TAFA1: variants seen among roughly 807,000 people sequenced by gnomAD.
TAFA1 encodes the protein TAFA chemokine like family member 1.
In TAFA1, 4 loss-of-function variants were observed where a neutral mutation model predicts 18.5. The observed-to-expected ratio is 0.22, with a 90% CI of 0.11 to 0.49. The LOEUF is 0.49. TAFA1 is among the 20% of genes least tolerant of loss of function. The pLI is 0.98. For missense variants in TAFA1, 147 were observed against 169.0 expected (o/e 0.87, Z 0.72); for synonymous variants, 56 against 55.2 (o/e 1.01, Z -0.06).
chr3:68,168,599 A>G (rs1209093538), intron 2 of TAFA1, among the ~76,000 whole-genome samples: 1 of 152,198 alleles, frequency 6.6e-6, no homozygotes, highest in Admixed American at 6.5e-5. Context: ...GTAGCAAATT[A>G]TAATTGTGAT....
rs896507128 is a variant in TAFA1, at chr3:68,499,610, G to A, written c.260-39146G>A. 5.3e-5 allele frequency among the ~76,000 whole-genome samples: 8 copies of A among 151,798 alleles called. No individual in the cohort carries two copies. In the South Asian group the frequency reaches 1.0e-3, roughly 20 times the overall value. ...CTTATGGGCGAGGGCCAGGCTGTGA[G>A]CCAGTGTGTGGTGAGTGAACCCCAC... On this transcript the variant is annotated intron_variant, in intron 3 of 4. Transcript: ENST00000478136.
chr3:68,065,377 A>C (rs1193836104), intron 2 of TAFA1, among the ~76,000 whole-genome samples: 3 of 152,164 alleles, frequency 2.0e-5, no homozygotes, highest in Non-Finnish European at 4.4e-5. Flanking sequence ...TTTCTCAACT[A>C]GAAAGAGAGC....
chr3:68,497,904 C>G (rs1429206113), intron 3 of TAFA1, among the ~76,000 whole-genome samples: 1 of 152,102 alleles, frequency 6.6e-6, no homozygotes, highest in Non-Finnish European at 1.5e-5. Context: ...GAGAAAAATG[C>G]TCAGCAGTCA....
At chr3:68,224,761 G>T (rs924238722) in intron 2 of TAFA1, among the ~76,000 whole-genome samples, 4 of 151,950 alleles carry the variant, frequency 2.6e-5, no homozygotes, top group Admixed American at 6.6e-5. Context: ...AATACTTTTA[G>T]CTCATATAAA....
intron 2 of TAFA1, among the ~76,000 whole-genome samples, chr3:68,400,298 T>C (rs2070462463): frequency 6.6e-6 from 1 of 152,198 alleles, no homozygotes; most frequent in Non-Finnish European, 1.5e-5. Context: ...TCATCATTAT[T>C]CACATTTTAC....
intron 2 of TAFA1, among the ~76,000 whole-genome samples, chr3:68,186,114 A>G (rs1426960653): frequency 6.6e-6 from 1 of 151,978 alleles, no homozygotes; most frequent in Admixed American, 6.6e-5. Context: ...CAACTTTCTC[A>G]TTGTGCAACT....
chr3:68,197,056 C>T (rs1325759352), intron 2 of TAFA1, among the ~76,000 whole-genome samples: 1 of 151,714 alleles, frequency 6.6e-6, no homozygotes, highest in Non-Finnish European at 1.5e-5. Flanking sequence ...CCTATCACAG[C>T]CTCAACATGT....
intron 2 of TAFA1, among the ~76,000 whole-genome samples, chr3:68,061,059 A>C (rs2064596429): frequency 6.6e-6 from 1 of 151,976 alleles, no homozygotes; most frequent in African/African-American, 2.4e-5. Flanking sequence ...CTTTGTTTGG[A>C]GATGGAGCTA....
chr3:68,192,963 A>G (rs916780753), intron 2 of TAFA1, among the ~76,000 whole-genome samples: 2 of 151,772 alleles, frequency 1.3e-5, no homozygotes, highest in Non-Finnish European at 2.9e-5. Context: ...GAAGGAAAAC[A>G]TACAAAGCAA....
At chr3:68,472,548 TGGG>T (rs1179611439) in intron 3 of TAFA1, among the ~76,000 whole-genome samples, 9 of 149,456 alleles carry the variant, frequency 6.0e-5, no homozygotes, top group Non-Finnish European at 1.3e-4. Context: ...ACACATAAAA[TGGG>T]GGAAATTTGA....
At chr3:68,200,137 T>A (rs527302311) in intron 2 of TAFA1, among the ~76,000 whole-genome samples, 1 of 151,774 alleles carries the variant, frequency 6.6e-6, no homozygotes, top group South Asian at 2.1e-4. Flanking sequence ...ATGAATTATA[T>A]TAATTGATTT....
intron 2 of TAFA1, among the ~76,000 whole-genome samples, chr3:68,365,242 A>G (rs933424369): frequency 1.3e-5 from 2 of 152,220 alleles, no homozygotes; most frequent in Non-Finnish European, 2.9e-5. Flanking sequence ...TAATTTTCAT[A>G]AGATACACAG....
intron 3 of TAFA1, among the ~76,000 whole-genome samples, chr3:68,475,064 C>G (rs1375974492): frequency 6.6e-6 from 1 of 152,054 alleles, no homozygotes; most frequent in Non-Finnish European, 1.5e-5. Context: ...AACTGAAAAT[C>G]TCTCTTGCTC....
chr3:68,266,879 G>A (rs906109620), intron 2 of TAFA1, among the ~76,000 whole-genome samples: 5 of 152,136 alleles, frequency 3.3e-5, no homozygotes, highest in Admixed American at 1.3e-4. Context: ...TTGAAGCTAC[G>A]TGTCCTGCCT....
chr3:68,174,018 T>A (rs938591904), intron 2 of TAFA1, among the ~76,000 whole-genome samples: 1 of 152,220 alleles, frequency 6.6e-6, no homozygotes, highest in African/African-American at 2.4e-5. Context: ...CAATGATAAC[T>A]AAAACCTCTT....
chr3:68,066,281 A>G (rs897304320), intron 2 of TAFA1, among the ~76,000 whole-genome samples: 3 of 152,088 alleles, frequency 2.0e-5, no homozygotes, highest in Non-Finnish European at 4.4e-5. Flanking sequence ...TTTTTTGCCA[A>G]CAAAGTATTA....
chr3:68,351,695 A>G (rs1160271699), intron 2 of TAFA1, among the ~76,000 whole-genome samples: 1 of 152,004 alleles, frequency 6.6e-6, no homozygotes, highest in Non-Finnish European at 1.5e-5. Context: ...GAGAAGACAA[A>G]TAACTGGAAG....
chr3:68,156,515 A>G (rs1396880548), intron 2 of TAFA1, among the ~76,000 whole-genome samples: 1 of 152,162 alleles, frequency 6.6e-6, no homozygotes, highest in African/African-American at 2.4e-5. Context: ...CAAAATAGGA[A>G]CAGATACTGT....
intron 2 of TAFA1, among the ~76,000 whole-genome samples, chr3:68,025,197 C>T (rs910054797): frequency 6.6e-6 from 1 of 152,172 alleles, no homozygotes; most frequent in Non-Finnish European, 1.5e-5. Context: ...TCAGATTTTA[C>T]ATTCCATTCT....
Sources: allele counts gnomAD v4.1 joint callset (sites outside exome capture counted in the v4.1 genomes callset), GRCh38; gene constraint gnomAD v4.1.1; transcripts MANE v1.5; gene names NCBI Gene and HGNC (gene_info 2026-07-23, HGNC 2026-07-21).